TENM4: variants seen among roughly 807,000 people sequenced by gnomAD.
TENM4 encodes the protein teneurin-4.
In TENM4, 82 loss-of-function variants were observed where a neutral mutation model predicts 243.3. The ratio of observed to expected loss-of-function variants is 0.34; its 90% confidence interval spans 0.28 to 0.40. The LOEUF (loss-of-function observed/expected upper bound fraction) is 0.40, where lower values mean the gene tolerates loss of function less well. TENM4 is among the 10% of genes least tolerant of loss of function. TENM4 has a pLI of 1.00. For synonymous variants in TENM4, 1,412 were observed against 1,456.3 expected (o/e 0.97, Z 0.69); for missense variants, 3,138 against 3,673.3 (o/e 0.85, Z 3.77).
intron 1 of TENM4, among the ~76,000 whole-genome samples, chr11:79,336,421 G>A (rs538289481): frequency 6.6e-6 from 1 of 152,244 alleles, no homozygotes; most frequent in South Asian, 2.1e-4. Flanking sequence ...AATGATAGAG[G>A]TATTAGATGA....
intron 9 of TENM4, among the ~76,000 whole-genome samples, chr11:78,869,739 G>A (rs1229739845): frequency 6.6e-6 from 1 of 152,164 alleles, no homozygotes; most frequent in Non-Finnish European, 1.5e-5. Flanking sequence ...GATCTGAATG[G>A]TTCCAAAGCC....
chr11:78,830,140 T>C (rs1283949462), intron 12 of TENM4, among the ~76,000 whole-genome samples: 2 of 152,208 alleles, frequency 1.3e-5, no homozygotes, highest in Admixed American at 1.3e-4. Flanking sequence ...TTTACAGACA[T>C]TACTCCCTCT....
intron 2 of TENM4, among the ~76,000 whole-genome samples, chr11:79,237,308 A>C (rs1806259598): frequency 6.6e-6 from 1 of 152,152 alleles, no homozygotes; most frequent in African/African-American, 2.4e-5. Context: ...CCCACCCACC[A>C]CTGCCCTGAT....
In TENM4 at chr11:78,999,517, A is replaced by AAAAAC. The variant is rs535877773; in HGVS notation, c.493+65216_493+65220dup. 1.4e-4 allele frequency among the ~76,000 whole-genome samples: 22 copies of AAAAAC among 152,286 alleles called. No homozygotes were observed. The South Asian group carries it at 2.1e-3, about 14-fold the overall frequency. ...GGAGACAGAGCGGGACTCCATCTCAAAAAACAAAACAAAACAAAACAAAAA... is the reference window on the plus strand; with the variant it reads ...GGAGACAGAGCGGGACTCCATCTCAAAAAACAAAACAAAACAAAACAAAACAAAAA... On this transcript the variant is annotated intron_variant, in intron 6 of 33. Coordinates refer to ENST00000278550, the MANE Select transcript of TENM4 (RefSeq NM_001098816.3).
rs182128134 is a variant in TENM4 at position 78,659,781 on chromosome 11, C to G, written c.7552-965G>C. 7.9e-5 allele frequency among the ~76,000 whole-genome samples: 12 copies of G among 152,300 alleles called. No homozygotes were observed. The East Asian group carries it at 1.7e-3, about 22-fold the overall frequency. On this transcript the variant is annotated intron_variant, in intron 33 of 33. Coordinates refer to ENST00000278550, the MANE Select transcript of TENM4 (RefSeq NM_001098816.3). ...GACAGGTCGGGCCCTGCCAACTTGGCGTATCATCTACCTGTCCCTTCTGTG... is the reference window on the plus strand; with the variant it reads ...GACAGGTCGGGCCCTGCCAACTTGGGGTATCATCTACCTGTCCCTTCTGTG...
chr11:79,365,954 A>G (rs1857668486), intron 1 of TENM4, among the ~76,000 whole-genome samples: 1 of 152,200 alleles, frequency 6.6e-6, no homozygotes, highest in African/African-American at 2.4e-5. Context: ...TTTGAAATCA[A>G]TAGGAAGACA....
rs1857177978 is a variant in TENM4, at chr11:78,797,134, C to T, written c.2179+8158G>A. On this transcript the variant is annotated intron_variant, in intron 15 of 33. Coordinates refer to ENST00000278550, the MANE Select transcript of TENM4 (RefSeq NM_001098816.3). ...ATGGCAGAGTTGTGCAGAGGATAAACATGGGCTCTGAAGCCAGAGAAGCCT... is the reference window on the plus strand; with the variant it reads ...ATGGCAGAGTTGTGCAGAGGATAAATATGGGCTCTGAAGCCAGAGAAGCCT... Among the ~76,000 whole-genome samples, 3 of 152,212 alleles carry T rather than the reference C, an allele frequency of 2.0e-5. No individual in the cohort carries two copies. In the South Asian group the frequency reaches 6.2e-4, roughly 32 times the overall value.
intron 6 of TENM4, among the ~76,000 whole-genome samples, chr11:78,965,633 C>T (rs888818685): frequency 6.6e-6 from 1 of 152,186 alleles, no homozygotes; most frequent in Non-Finnish European, 1.5e-5. Context: ...ACTTCAGAAG[C>T]CCTGGGGTGA....
intron 1 of TENM4, among the ~76,000 whole-genome samples, chr11:79,304,247 T>G (rs1365516793): frequency 6.6e-6 from 1 of 152,134 alleles, no homozygotes; most frequent in African/African-American, 2.4e-5. Flanking sequence ...GTCTCTGCTC[T>G]CCCTGCTCAC....
intron 6 of TENM4, among the ~76,000 whole-genome samples, chr11:79,019,825 T>A (rs1400063054): frequency 6.6e-6 from 1 of 152,054 alleles, no homozygotes. Flanking sequence ...TAAGGGAACA[T>A]CCCCTCCAAG....
At chr11:78,744,895 G>C (rs989012704) in intron 19 of TENM4, among the ~76,000 whole-genome samples, 2 of 152,114 alleles carry the variant, frequency 1.3e-5, no homozygotes, top group East Asian at 3.8e-4. Flanking sequence ...TTAACTTTTT[G>C]TTCAGTCTTA....
intron 28 of TENM4, among the ~76,000 whole-genome samples, chr11:78,695,686 T>G (rs1256623579): frequency 1.3e-5 from 2 of 152,098 alleles, no homozygotes; most frequent in African/African-American, 4.8e-5. Context: ...CTTTTTTTTT[T>G]TCTTTCAGCA....
Position 78,656,231 on chromosome 11 carries a change from A to G in TENM4, c.*1827T>C, listed in dbSNP as rs928973663. 1 of 152,236 alleles carries G rather than the reference A, an allele frequency of 6.6e-6. No individual in the cohort carries two copies. The highest frequency in any genetic ancestry group is 1.5e-5 in the Non-Finnish European group (1 of 68,040). 9.4% of individuals were successfully genotyped at this position (152,236 alleles called of 1,614,324 possible). On this transcript the variant is annotated 3_prime_UTR_variant, in exon 34 of 34. Coordinates refer to ENST00000278550, the MANE Select transcript of TENM4 (RefSeq NM_001098816.3). ...TTCTGAAGACTATGTGAGTAAGGCTATAGAGGTGCCATGAGCTTATCAGTC... is the reference window on the plus strand; with the variant it reads ...TTCTGAAGACTATGTGAGTAAGGCTGTAGAGGTGCCATGAGCTTATCAGTC...
intron 2 of TENM4, among the ~76,000 whole-genome samples, chr11:79,286,482 G>A (rs967765755): frequency 7.1e-5 from 10 of 139,922 alleles, no homozygotes; most frequent in South Asian, 7.0e-4. Flanking sequence ...GTGAAACCCC[G>A]TCTCTACTAA....
At chr11:78,889,003 C>A (rs1003501656) in intron 9 of TENM4, among the ~76,000 whole-genome samples, 22 of 152,128 alleles carry the variant, frequency 1.4e-4, no homozygotes, top group African/African-American at 4.6e-4. Context: ...GGGAAAAGAC[C>A]AAAGCAAGGG....
chr11:79,091,427 C>T lies in TENM4; in HGVS notation c.-65-21418G>A, dbSNP rs80158769. Among the ~76,000 whole-genome samples the T allele has an allele frequency of 5.0e-3, 759 of 152,278 alleles. 4 individuals carry two copies. The highest frequency in any genetic ancestry group is 7.4e-3 in the Non-Finnish European group (502 of 68,018). ...TGGAGATATAAAAAAAAATAAATCTCTCATCCTGCCTGCATTCCTCTACCC... is the reference window on the plus strand; with the variant it reads ...TGGAGATATAAAAAAAAATAAATCTTTCATCCTGCCTGCATTCCTCTACCC... On this transcript the variant is annotated intron_variant, in intron 4 of 33. Transcript: ENST00000278550.
chr11:78,693,955 C>G (rs917263775), intron 28 of TENM4, among the ~76,000 whole-genome samples: 1 of 152,078 alleles, frequency 6.6e-6, no homozygotes, highest in African/African-American at 2.4e-5. Context: ...ACAGAGGTTG[C>G]CGTGAGCCGA....
chr11:78,872,487 T>C (rs10736816), intron 9 of TENM4, among the ~76,000 whole-genome samples: 81,368 of 152,092 alleles, frequency 0.53, 24,488 homozygotes, highest in East Asian at 0.78. Context: ...ATGGTGCCTG[T>C]TATTTCCCAA....
intron 6 of TENM4, among the ~76,000 whole-genome samples, chr11:79,041,752 T>A (rs1176370098): frequency 6.6e-6 from 1 of 152,258 alleles, no homozygotes; most frequent in Non-Finnish European, 1.5e-5. Flanking sequence ...TATAATTTAT[T>A]AAAGCCTTTT....
Sources: gnomAD v4.1 joint callset for allele counts (sites outside exome capture counted in the v4.1 genomes callset) on GRCh38, gnomAD v4.1.1 for gene constraint, MANE v1.5 for transcripts, NCBI Gene and HGNC (gene_info 2026-07-23, HGNC 2026-07-21) for gene names.